MFHAS1: variants seen among roughly 807,000 people sequenced by gnomAD.
MFHAS1 encodes malignant fibrous histiocytoma-amplified sequence 1.
A neutral mutation model predicts 70.4 loss-of-function variants in MFHAS1; 50 were observed. That is an observed-to-expected ratio of 0.71 (90% CI 0.57 to 0.90). MFHAS1 has a LOEUF of 0.90. Among genes scored for constraint, MFHAS1 ranks in the 40% least tolerant of loss-of-function variants. The probability of loss-of-function intolerance (pLI) is 0.00; values close to 1 mark genes in which losing one functional copy is unlikely to be tolerated. For synonymous variants in MFHAS1, 952 were observed against 620.0 expected, an observed-to-expected ratio of 1.54 and a Z score of -7.96; for missense variants, 1,795 against 1,347.6, an observed-to-expected ratio of 1.33 and a Z score of -5.20.
intron 1 of MFHAS1, among the ~76,000 whole-genome samples, chr8:8,868,452 A>T (rs892936019): frequency 1.3e-5 from 2 of 151,118 alleles, no homozygotes; most frequent in Non-Finnish European, 2.9e-5. Context: ...TAAACTGATT[A>T]CCTAGTGCCA....
At position 8,823,341 on chromosome 8, in the gene MFHAS1, C is replaced by T. The variant is rs114578112; in HGVS notation, c.2999-25850G>A. 1.7e-3 allele frequency among the ~76,000 whole-genome samples: 254 copies of T among 152,132 alleles called. 1 individual carries two copies. Among genetic ancestry groups the T allele is most frequent in the African/African-American group, 6.0e-3 (247 of 41,494 alleles). ...TCCAGAGAAATGTACTGTGAAGGCC[C>T]GGTGGGCATCGCTGCCAGAACAAAA... is the stretch of plus-strand genomic sequence containing the variant. On this transcript the variant is annotated intron_variant, in intron 1 of 2. Transcript: ENST00000276282.
At chr8:8,838,274 G>A (rs1163196944) in intron 1 of MFHAS1, among the ~76,000 whole-genome samples, 2 of 152,200 alleles carry the variant, frequency 1.3e-5, no homozygotes, top group African/African-American at 2.4e-5. Context: ...TGGCTGGGAA[G>A]AGGCAGAAAG....
intron 1 of MFHAS1, among the ~76,000 whole-genome samples, chr8:8,855,642 G>C (rs1461001933): frequency 6.6e-6 from 1 of 152,076 alleles, no homozygotes; most frequent in Non-Finnish European, 1.5e-5. Flanking sequence ...GATTACTTGA[G>C]GTCAGAAGTT....
intron 1 of MFHAS1, among the ~76,000 whole-genome samples, chr8:8,820,834 C>T (rs1488394127): frequency 7.2e-5 from 11 of 152,344 alleles, no homozygotes; most frequent in Middle Eastern, 3.4e-3. Flanking sequence ...CAAAGCTGTG[C>T]TGCCATTTGC....
At chr8:8,797,889 C>T (rs1805964458) in intron 1 of MFHAS1, among the ~76,000 whole-genome samples, 1 of 152,146 alleles carries the variant, frequency 6.6e-6, no homozygotes. Context: ...GGATTTGGGG[C>T]AGATGGGACT....
At chr8:8,797,150 TA>T (rs11355520) in intron 2 of MFHAS1, among the ~76,000 whole-genome samples, 61,132 of 141,400 alleles carry the variant, frequency 0.43, 14,061 homozygotes, top group East Asian at 0.78. Context: ...TTAGCTAAAG[TA>T]AAAAAAAAAA....
At chr8:8,865,969 G>C (rs1258744358) in intron 1 of MFHAS1, among the ~76,000 whole-genome samples, 3 of 152,222 alleles carry the variant, frequency 2.0e-5, no homozygotes, top group African/African-American at 4.8e-5. Context: ...TCTCCTGACA[G>C]TGCAGCCACG....
chr8:8,827,013 T>C (rs1484306344), intron 1 of MFHAS1, among the ~76,000 whole-genome samples: 1 of 152,210 alleles, frequency 6.6e-6, no homozygotes, highest in Non-Finnish European at 1.5e-5. Context: ...CCCTTCATTT[T>C]TGTTAATTTA....
chr8:8,888,087 CT>C (rs1809840774), intron 1 of MFHAS1, among the ~76,000 whole-genome samples: 1 of 152,166 alleles, frequency 6.6e-6, no homozygotes, highest in Non-Finnish European at 1.5e-5. Context: ...AAGTATCTTG[CT>C]TCCATGAATA....
chr8:8,812,470 G>C (rs1284431224), intron 1 of MFHAS1, among the ~76,000 whole-genome samples: 2 of 152,146 alleles, frequency 1.3e-5, no homozygotes, highest in African/African-American at 4.8e-5. Context: ...CCACAGCCTG[G>C]AAACTCTCAA....
chr8:8,887,876 A>C (rs1481791020), intron 1 of MFHAS1, among the ~76,000 whole-genome samples: 1 of 151,098 alleles, frequency 6.6e-6, no homozygotes, highest in African/African-American at 2.4e-5. Context: ...AAAAAAAAAA[A>C]AACCTCCAGC....
At chr8:8,843,679 T>C (rs1428531513) in intron 1 of MFHAS1, among the ~76,000 whole-genome samples, 1 of 152,110 alleles carries the variant, frequency 6.6e-6, no homozygotes, top group Non-Finnish European at 1.5e-5. Flanking sequence ...GGTGAGCAGG[T>C]CCGGTGTGGA....
Position 8,892,716 on chromosome 8 carries a change from C to T in MFHAS1, c.343G>A (p.Glu115Lys), listed in dbSNP as rs1166805848. 3.1e-6 allele frequency: 4 copies of T among 1,310,364 alleles called. No homozygotes were observed. The highest frequency in any genetic ancestry group is 4.1e-6 in the Non-Finnish European group (4 of 976,146). 81.2% of individuals were successfully genotyped at this position (1,310,364 alleles called of 1,614,324 possible). ...AGCCGGTTGTGGCTCACGTCCAGCT[C>T]GGTGAGGTGGTGGCCGAGCTCGGCC... ...AVAELGHHLT[E>K]LDVSHNRLTA... is the part of the protein sequence containing the mutation. The change falls in exon 1 of 3, where the codon GAG (glutamate) becomes AAG (lysine). Residue 115 changes from glutamate to lysine, a missense_variant. Physicochemically the swap from Glu to Lys is moderately conservative, Grantham distance 56. Transcript: ENST00000276282. This position sits in a 1 kb window ranked among gnomAD's most constrained non-coding sequence, Gnocchi z 4.7.
chr8:8,823,347 G>C (rs1158204768), intron 1 of MFHAS1, among the ~76,000 whole-genome samples: 1 of 152,074 alleles, frequency 6.6e-6, no homozygotes, highest in Admixed American at 6.6e-5. Flanking sequence ...GGCCCGGTGG[G>C]CATCGCTGCC....
intron 2 of MFHAS1, among the ~76,000 whole-genome samples, chr8:8,795,987 T>C (rs1805878849): frequency 1.3e-5 from 2 of 152,230 alleles, no homozygotes. Flanking sequence ...ACCCAGATCA[T>C]GAGATCTGAC....
Position 8,892,137 on chromosome 8 carries a change from G to T in MFHAS1, c.922C>A (p.Leu308Ile), listed in dbSNP as rs752908806. ...GAGATAAGGGATGGCACCGAGGTGA[G>T]CTGGTTGCGACTAAGGTAGAGCTCC... ...LEELYLSRNQ[L>I]TSVPSLISGL... The change falls in exon 1 of 3, where the codon CTC becomes ATC. Residue 308 changes from leucine to isoleucine, a missense_variant. Transcript: ENST00000276282. This position sits in a 1 kb window ranked among gnomAD's most constrained non-coding sequence, Gnocchi z 4.7. The T allele has an allele frequency of 1.2e-6, 2 of 1,612,072 alleles. No homozygotes were observed. The highest frequency in any genetic ancestry group is 1.7e-6 in the Non-Finnish European group (2 of 1,180,018).
At position 8,841,121 on chromosome 8, in the gene MFHAS1, C is replaced by T. The variant is rs930818495; in HGVS notation, c.2999-43630G>A. Among the ~76,000 whole-genome samples the T allele has an allele frequency of 6.6e-5, 10 of 152,326 alleles. 1 individual carries two copies. Among genetic ancestry groups the T allele is most frequent in the Admixed American group, 3.3e-4 (5 of 15,304 alleles). ...CAAGCTACCTATGTAACATCTCCTT[C>T]GCATATTCCTTAAGATATTCTTCAT... On this transcript the variant is annotated intron_variant, in intron 1 of 2. Transcript: ENST00000276282.
chr8:8,891,244 C>T lies in MFHAS1; in HGVS notation c.1815G>A (p.Arg605=), dbSNP rs764834874. The T allele has an allele frequency of 5.6e-6, 9 of 1,612,242 alleles. No individual in the cohort carries two copies. The highest frequency in any genetic ancestry group is 3.3e-5 in the Admixed American group (2 of 60,024). Residue 605 remains arginine (R), a synonymous_variant, in exon 1 of 3, where the codon CGG becomes CGA. Coordinates refer to ENST00000276282, the MANE Select transcript of MFHAS1 (RefSeq NM_004225.3). The surrounding 1 kb of genome is among the most constrained non-coding windows in gnomAD (Gnocchi z 5.4). ...YYGVSDKNLR[R]RKAHFQYLLN... ...GCAGGTATTGAAAATGGGCCTTGCG[C>T]CGTCGAAGGTTCTTGTCCGAAACGC...
At position 8,862,809 on chromosome 8, in the gene MFHAS1, C is replaced by G. The variant is rs184801022; in HGVS notation, c.2998+27252G>C. On this transcript the variant is annotated intron_variant, in intron 1 of 2. Coordinates refer to ENST00000276282, the MANE Select transcript of MFHAS1 (RefSeq NM_004225.3). ...GGGATGCTACTAATGGAGGAGGCTG[C>G]GCATGTGTGGGGACAGGGAACAGAT... Among the ~76,000 whole-genome samples, 3 of 152,242 alleles carry G rather than the reference C, an allele frequency of 2.0e-5. No individual in the cohort carries two copies. The South Asian group carries it at 6.2e-4, about 32-fold the overall frequency.
Sources: allele counts gnomAD v4.1 joint callset (sites outside exome capture counted in the v4.1 genomes callset), GRCh38; gene constraint gnomAD v4.1.1; non-coding constraint Gnocchi (gnomAD v3.1); transcripts MANE v1.5; gene names NCBI Gene and HGNC (gene_info 2026-07-23, HGNC 2026-07-21).